The following VAV1 variants were observed in gnomAD, a reference collection of about 807,000 sequenced individuals.
The protein encoded by VAV1 is proto-oncogene vav.
A neutral mutation model predicts 128.1 loss-of-function variants in VAV1; 33 were observed. That is an observed-to-expected ratio of 0.26 (90% CI 0.20 to 0.34). The LOEUF (loss-of-function observed/expected upper bound fraction) is 0.34. VAV1 is among the 10% of genes least tolerant of loss of function. The pLI, the probability that VAV1 is intolerant of heterozygous loss-of-function variation, is 1.00. For synonymous variants in VAV1, 394 were observed against 409.8 expected, an observed-to-expected ratio of 0.96 and a Z score of 0.47; for missense variants, 715 against 1,093.7, an observed-to-expected ratio of 0.65 and a Z score of 4.88.
chr19:6,846,559 CA>C (rs558272916), intron 22 of VAV1, among the ~76,000 whole-genome samples: 7 of 148,570 alleles, frequency 4.7e-5, no homozygotes, highest in Non-Finnish European at 1.0e-4. Flanking sequence ...GGCACTGTCT[CA>C]AAAAAAATTA....
In VAV1 at chr19:6,814,637, C is replaced by CTCCTTCCTTCCT. The variant is rs1169076080; in HGVS notation, c.205-6039_205-6028dup. 7.6e-3 allele frequency among the ~76,000 whole-genome samples: 621 copies of CTCCTTCCTTCCT among 81,996 alleles called. 70 individuals are homozygous for CTCCTTCCTTCCT. The highest frequency in any genetic ancestry group is 9.5e-3 in the Non-Finnish European group (421 of 44,272). The allele number at this position is 81,996 out of a possible 152,430, so 53.8% of individuals were successfully genotyped here. A position where few individuals can be genotyped will look rare whatever the true frequency, so the allele number is the denominator to read the frequency against. On this transcript the variant is annotated intron_variant, in intron 1 of 26. Transcript: ENST00000602142. Reference sequence around the variant, plus strand: ...TTCTTTCTTTCTTTCTTTTCTTTCTCTCCTTCCTTCCTTCCTTCCTTCCTT... The same window carrying CTCCTTCCTTCCT: ...TTCTTTCTTTCTTTCTTTTCTTTCTCTCCTTCCTTCCTTCCTTCCTTCCTTCCTTCCTTCCTT...
At chr19:6,846,558 T>C (rs1197787669) in intron 22 of VAV1, among the ~76,000 whole-genome samples, 3 of 150,146 alleles carry the variant, frequency 2.0e-5, no homozygotes, top group South Asian at 2.1e-4. Flanking sequence ...AGGCACTGTC[T>C]CAAAAAAAAT....
At chr19:6,800,619 TG>T (rs1478835350) in intron 1 of VAV1, among the ~76,000 whole-genome samples, 1 of 144,262 alleles carries the variant, frequency 6.9e-6, no homozygotes, top group Admixed American at 7.0e-5. Flanking sequence ...TTCTTTTTTT[TG>T]TTTTGTTTTG....
At chr19:6,784,769 C>T (rs1400593930) in intron 1 of VAV1, among the ~76,000 whole-genome samples, 1 of 152,040 alleles carries the variant, frequency 6.6e-6, no homozygotes, top group African/African-American at 2.4e-5. Context: ...GCTGGGATTA[C>T]AGACGTGAGC....
chr19:6,826,892 G>A lies in VAV1; in HGVS notation c.927+181G>A. 1.6e-6 allele frequency: 1 copy of A among 620,298 alleles called. No individual in the cohort carries two copies. The highest frequency in any genetic ancestry group is 2.9e-6 in the Non-Finnish European group (1 of 347,216). The allele number at this position is 620,298 out of a possible 1,614,324, so 38.4% of individuals were successfully genotyped here. On this transcript the variant is annotated intron_variant, in intron 9 of 26. Transcript: ENST00000602142. The surrounding 1 kb of genome is among the most constrained non-coding windows in gnomAD (Gnocchi z 4.1). Reference sequence around the variant, plus strand: ...AGAGGAAATGGAGAAGAACAGAAATGGGCTGGCCCTGGGTCTGGGCTGACC... The same window carrying A: ...AGAGGAAATGGAGAAGAACAGAAATAGGCTGGCCCTGGGTCTGGGCTGACC...
At chr19:6,775,317 A>C (rs1970599173) in intron 1 of VAV1, among the ~76,000 whole-genome samples, 1 of 152,210 alleles carries the variant, frequency 6.6e-6, no homozygotes, top group South Asian at 2.1e-4. Context: ...GCTAATGGGA[A>C]AGTGGATAGA....
At chr19:6,796,899 C>T (rs1248148218) in intron 1 of VAV1, among the ~76,000 whole-genome samples, 3 of 152,170 alleles carry the variant, frequency 2.0e-5, no homozygotes, top group Non-Finnish European at 4.4e-5. Flanking sequence ...GCTGTATCTC[C>T]AGCACCTAGA....
At chr19:6,835,057 AT>A (rs1414844316) in intron 19 of VAV1, among the ~76,000 whole-genome samples, 21 of 152,156 alleles carry the variant, frequency 1.4e-4, no homozygotes, top group Non-Finnish European at 2.4e-4. Flanking sequence ...AAATAAAAAA[AT>A]AAATATATGA....
intron 1 of VAV1, among the ~76,000 whole-genome samples, chr19:6,795,462 T>C (rs924387185): frequency 6.6e-6 from 1 of 150,540 alleles, no homozygotes; most frequent in Non-Finnish European, 1.5e-5. Flanking sequence ...ACCCAGGGCG[T>C]AGTTCTTTTA....
intron 23 of VAV1, among the ~76,000 whole-genome samples, chr19:6,848,859 T>C (rs946077742): frequency 7.2e-5 from 11 of 151,956 alleles, no homozygotes; most frequent in Non-Finnish European, 1.6e-4. Flanking sequence ...AGTGGTGAGA[T>C]CTTAGCTCAC....
At chr19:6,782,582 C>A (rs1326153293) in intron 1 of VAV1, among the ~76,000 whole-genome samples, 1 of 152,102 alleles carries the variant, frequency 6.6e-6, no homozygotes, top group Non-Finnish European at 1.5e-5. Flanking sequence ...ACTGCTGTAA[C>A]AAATTGCATC....
In VAV1 at chr19:6,833,148, C is replaced by T. The variant is rs779625156; in HGVS notation, c.1509-36C>T. ...CCATAAAAAGGAATAAAATACTGAC[C>T]TTCTTTTTTTTTTTTTTTTAATTTT... On this transcript the variant is annotated intron_variant, in intron 15 of 26. Transcript: ENST00000602142. 217 of 1,430,304 alleles carry T rather than the reference C, an allele frequency of 1.5e-4. 4 individuals are homozygous for T. The South Asian group carries it at 2.5e-3, about 17-fold the overall frequency. The allele number at this position is 1,430,304 out of a possible 1,614,324, so 88.6% of individuals were successfully genotyped here.
At chr19:6,838,502 A>T (rs1004780091) in intron 21 of VAV1, among the ~76,000 whole-genome samples, 5 of 152,062 alleles carry the variant, frequency 3.3e-5, no homozygotes, top group African/African-American at 1.2e-4. Flanking sequence ...TTATCTATGT[A>T]TCATCTGTCT....
chr19:6,850,637 C>G (rs1278907945), intron 23 of VAV1, 33 bp from the exon 24 acceptor site: 2 of 1,608,622 alleles, frequency 1.2e-6, no homozygotes, highest in Non-Finnish European at 1.7e-6. Context: ...GCCTGGTCCC[C>G]AGACTCAGGG....
chr19:6,813,354 C>T (rs1020265267), intron 1 of VAV1, among the ~76,000 whole-genome samples: 6 of 152,240 alleles, frequency 3.9e-5, no homozygotes, highest in African/African-American at 1.2e-4. Flanking sequence ...AATGGAGCTT[C>T]GATATGTTTC....
rs1971557226 is a variant in VAV1, at chr19:6,813,554, T to C, written c.205-7148T>C. Among the ~76,000 whole-genome samples the C allele has an allele frequency of 2.0e-5, 3 of 152,148 alleles. No individual in the cohort carries two copies. The South Asian group carries it at 6.2e-4, about 32-fold the overall frequency. ...ACTACAAACACATTGTCTTAATTACTGTAGATTTATGGTGTCTTAATATTT... is the reference window on the plus strand; with the variant it reads ...ACTACAAACACATTGTCTTAATTACCGTAGATTTATGGTGTCTTAATATTT... On this transcript the variant is annotated intron_variant, in intron 1 of 26. Coordinates refer to ENST00000602142, the MANE Select transcript of VAV1 (RefSeq NM_005428.4).
chr19:6,833,965 G>A lies in VAV1; in HGVS notation c.1777+12G>A, dbSNP rs1972155378. The A allele has an allele frequency of 6.2e-7, 1 of 1,614,068 alleles. No individual in the cohort carries two copies. The highest frequency in any genetic ancestry group is 2.2e-5 in the East Asian group (1 of 44,858). On this transcript the variant is annotated intron_variant, in intron 19 of 26. Coordinates refer to ENST00000602142, the MANE Select transcript of VAV1 (RefSeq NM_005428.4). ...GAGGAATGAGCTGGGTGAGTTGGCA[G>A]GGGTTGCTGTGTGGGGGCAGGAGGA...
intron 21 of VAV1, 84 bp from the exon 22 acceptor site, chr19:6,843,051 A>G: frequency 1.5e-6 from 2 of 1,319,354 alleles, no homozygotes; most frequent in Non-Finnish European, 2.2e-6. Context: ...GAATGAGTGA[A>G]TGAATGAATG....
chr19:6,839,222 ATTT>A (rs59905175), intron 21 of VAV1, among the ~76,000 whole-genome samples: 2 of 134,128 alleles, frequency 1.5e-5, no homozygotes. Flanking sequence ...TTTGTGTGTG[ATTT>A]TTTTTTTTTT....
Sources: allele counts gnomAD v4.1 joint callset (sites outside exome capture counted in the v4.1 genomes callset), GRCh38; gene constraint gnomAD v4.1.1; non-coding constraint Gnocchi (gnomAD v3.1); transcripts MANE v1.5; gene names NCBI Gene and HGNC (gene_info 2026-07-23, HGNC 2026-07-21).